GGA2: variants seen among roughly 807,000 people sequenced by gnomAD.
GGA2 encodes ADP-ribosylation factor-binding protein GGA2.
GGA2 carries 48 observed loss-of-function variants against 79.5 expected under a neutral mutation model. That is an observed-to-expected ratio of 0.60 (90% CI 0.48 to 0.77). GGA2 has a LOEUF of 0.77. Among genes scored for constraint, GGA2 ranks in the 30% least tolerant of loss-of-function variants. The pLI is 0.00. For missense variants in GGA2, 770 were observed against 774.0 expected (o/e 0.99, Z 0.06); for synonymous variants, 317 against 302.0 (o/e 1.05, Z -0.51).
At chr16:23,518,202 C>A (rs761335086) in intron 2 of GGA2, among the ~76,000 whole-genome samples, 1 of 152,098 alleles carries the variant, frequency 6.6e-6, no homozygotes, top group African/African-American at 2.4e-5. Flanking sequence ...TGAGCCACCA[C>A]GCCTGGCTGA....
chr16:23,482,992 T>A lies in GGA2; in HGVS notation c.811A>T (p.Arg271Trp). ...AGCGTGGGCCGCAGCTTTTCACACC[T>A]CTCATACACGACCTGAAAGAGCAGA... The part of the protein sequence containing the change: ...DQEALQVVYE[R>W]CEKLRPTLFR... Residue 271 changes from arginine (R) to tryptophan (W), a missense_variant, in exon 9 of 17, where the codon AGG (arginine) becomes TGG (tryptophan). Arg to Trp is a moderately radical substitution (Grantham distance 101, BLOSUM62 -3). Coordinates refer to ENST00000309859, the MANE Select transcript of GGA2 (RefSeq NM_015044.4). 1.2e-6 allele frequency: 2 copies of A among 1,609,988 alleles called. No individual in the cohort carries two copies. Among genetic ancestry groups the A allele is most frequent in the South Asian group, 2.2e-5 (2 of 90,972 alleles).
At chr16:23,483,491 C>T (rs1277042572) in intron 8 of GGA2, among the ~76,000 whole-genome samples, 1 of 152,172 alleles carries the variant, frequency 6.6e-6, no homozygotes, top group Admixed American at 6.5e-5. Context: ...GCTGGCTCTC[C>T]TCCTGTGCAG....
Position 23,464,397 on chromosome 16 carries a change from T to C in GGA2, c.*3193A>G, listed in dbSNP as rs905129156. ...TTGGCAGATGATACCAGAAGGGCAC[T>C]GAGTGCCAGCGTGCAACTTGAATTT... On this transcript the variant is annotated 3_prime_UTR_variant, in exon 17 of 17. Transcript: ENST00000309859. The C allele has an allele frequency of 1.9e-4, 29 of 152,168 alleles. No individual in the cohort carries two copies. Among genetic ancestry groups the C allele is most frequent in the African/African-American group, 6.8e-4 (28 of 41,426 alleles). The allele number at this position is 152,168 out of a possible 1,614,324, so 9.4% of individuals were successfully genotyped here. A position where few individuals can be genotyped will look rare whatever the true frequency, so the allele number is the denominator to read the frequency against.
chr16:23,494,902 T>A (rs1020025517), intron 2 of GGA2, among the ~76,000 whole-genome samples: 31 of 151,910 alleles, frequency 2.0e-4, no homozygotes, highest in East Asian at 1.6e-3. Context: ...GCCAACATGG[T>A]GAAGCCCCAT....
chr16:23,472,756 C>T (rs952746809), intron 14 of GGA2, among the ~76,000 whole-genome samples: 1 of 151,216 alleles, frequency 6.6e-6, no homozygotes, highest in African/African-American at 2.4e-5. Flanking sequence ...TGAATAGGGC[C>T]GGGCGCAGTG....
intron 9 of GGA2, 88 bp from the exon 10 acceptor site, chr16:23,480,858 T>C: frequency 7.8e-7 from 1 of 1,281,408 alleles, no homozygotes; most frequent in African/African-American, 1.5e-5. Flanking sequence ...ACAGCCTTCA[T>C]ATGGCTAGAC....
intron 9 of GGA2, among the ~76,000 whole-genome samples, chr16:23,481,234 G>A (rs943509240): frequency 8.5e-5 from 13 of 152,126 alleles, no homozygotes; most frequent in African/African-American, 3.1e-4. Flanking sequence ...CAAAAAATCA[G>A]CCGTGGCAGG....
intron 1 of GGA2, chr16:23,500,929 C>T (rs1964914724): frequency 3.6e-6 from 1 of 276,064 alleles, no homozygotes; most frequent in Non-Finnish European, 7.2e-6. Context: ...TTATATATAC[C>T]ATGGCATCTT....
chr16:23,491,912 A>G (rs1222433622), intron 4 of GGA2, 112 bp from the exon 5 acceptor site: 6 of 689,802 alleles, frequency 8.7e-6, no homozygotes, highest in Admixed American at 2.5e-5. Flanking sequence ...CAGGCGCGGT[A>G]TGAGTGTGAG....
chr16:23,519,972 C>A (rs760244794), intron 1 of GGA2, among the ~76,000 whole-genome samples: 3 of 152,218 alleles, frequency 2.0e-5, no homozygotes, highest in Non-Finnish European at 4.4e-5. Context: ...TGTTGCCAGG[C>A]GTGGTGGCTC....
In GGA2 at chr16:23,487,037, A is replaced by G. The variant is rs1016744739; in HGVS notation, c.580-247T>C. On this transcript the variant is annotated intron_variant, in intron 6 of 16. Transcript: ENST00000309859. ...TTGCTCTGTTGCCAGGCTGGAGTGCAGTGGCGCAATCTCGACTCACTGCAA... is the reference window on the plus strand; with the variant it reads ...TTGCTCTGTTGCCAGGCTGGAGTGCGGTGGCGCAATCTCGACTCACTGCAA... Among the ~76,000 whole-genome samples, 4 of 135,464 alleles carry G rather than the reference A, an allele frequency of 3.0e-5. No homozygotes were observed. The East Asian group carries it at 9.1e-4, about 31-fold the overall frequency. 88.9% of individuals were successfully genotyped at this position (135,464 alleles called of 152,430 possible).
chr16:23,491,845 G>C (rs1159819267), intron 4 of GGA2, 45 bp from the exon 5 acceptor site: 1 of 1,391,848 alleles, frequency 7.2e-7, no homozygotes, highest in Admixed American at 1.7e-5. Context: ...GAAGGGACTT[G>C]GGAGACCGAC....
At chr16:23,508,233 T>C (rs1353773337) in intron 1 of GGA2, among the ~76,000 whole-genome samples, 1 of 152,018 alleles carries the variant, frequency 6.6e-6, no homozygotes, top group Admixed American at 6.6e-5. Context: ...CACATGGCTA[T>C]TTTTTGTATT....
upstream of GGA2, chr16:23,523,974 G>A: frequency 1.0e-5 from 1 of 95,318 alleles, no homozygotes; most frequent in Non-Finnish European, 2.4e-5. Context: ...CTCCAAATGT[G>A]AGAAAATAAA....
intron 2 of GGA2, among the ~76,000 whole-genome samples, chr16:23,517,853 C>T (rs1965111055): frequency 1.3e-5 from 2 of 152,184 alleles, no homozygotes; most frequent in African/African-American, 4.8e-5. Flanking sequence ...CCTGCCTCGG[C>T]CTCCCAAAAT....
At position 23,470,114 on chromosome 16, in the gene GGA2, A is replaced by C; in HGVS notation, c.1502T>G (p.Leu501Arg). Residue 501 changes from leucine (L) to arginine (R), a missense_variant, in exon 15 of 17, where the codon CTC becomes CGC. Transcript: ENST00000309859. ...VYDRNGFRILLHFSQTGAPGH... is the reference protein window; with the variant it reads ...VYDRNGFRILRHFSQTGAPGH... The stretch of plus-strand genomic sequence containing the variant: ...AGGGGCTCCCGTCTGGGAGAAGTGG[A>C]GCAGAATTCTGAATCCATTCCGGTC... The C allele has an allele frequency of 6.2e-7, 1 of 1,610,414 alleles. No homozygotes were observed. Among genetic ancestry groups the C allele is most frequent in the Non-Finnish European group, 8.5e-7 (1 of 1,178,482 alleles).
upstream of GGA2, among the ~76,000 whole-genome samples, chr16:23,512,237 A>G (rs549425646): frequency 6.6e-6 from 1 of 152,266 alleles, no homozygotes; most frequent in East Asian, 1.9e-4. Context: ...AAAGAGCATC[A>G]GTTTATATAG....
At chr16:23,478,859 G>A (rs752075570) in intron 12 of GGA2, 24 bp downstream of exon 12, 79 of 1,564,094 alleles carry the variant, frequency 5.1e-5, no homozygotes, top group East Asian at 2.0e-4. Flanking sequence ...TTCTCTCTCC[G>A]GGCCCTGGGA....
intron 2 of GGA2, among the ~76,000 whole-genome samples, chr16:23,517,843 C>T (rs1965110964): frequency 6.6e-6 from 1 of 152,154 alleles, no homozygotes; most frequent in Non-Finnish European, 1.5e-5. Flanking sequence ...TCGTGATCTG[C>T]CTGCCTCGGC....
Sources: gnomAD v4.1 joint callset for allele counts (sites outside exome capture counted in the v4.1 genomes callset) on GRCh38, gnomAD v4.1.1 for gene constraint, MANE v1.5 for transcripts, NCBI Gene and HGNC (gene_info 2026-07-23, HGNC 2026-07-21) for gene names.